Variants in LDHAL6A observed in about 807,000 individuals in gnomAD.
The protein encoded by LDHAL6A is lactate dehydrogenase A like 6A.
LDHAL6A carries 19 observed loss-of-function variants against 28.2 expected under a neutral mutation model. The ratio of observed to expected loss-of-function variants is 0.67; its 90% confidence interval spans 0.47 to 0.99. LDHAL6A has a LOEUF of 0.99. Among genes scored for constraint, LDHAL6A ranks in the 50% least tolerant of loss-of-function variants. The probability of loss-of-function intolerance (pLI) is 0.00; values close to 1 mark genes in which losing one functional copy is unlikely to be tolerated. For synonymous variants in LDHAL6A, 144 were observed against 134.4 expected (o/e 1.07, Z -0.49); for missense variants, 372 against 398.6 (o/e 0.93, Z 0.57).
intron 6 of LDHAL6A, 94 bp from the exon 7 acceptor site, chr11:18,478,612 A>T (rs1196483003): frequency 4.7e-5 from 47 of 996,890 alleles, no homozygotes; most frequent in Middle Eastern, 4.4e-4. Context: ...AGTTCGTACT[A>T]TACCAATCTG....
intron 4 of LDHAL6A, among the ~76,000 whole-genome samples, chr11:18,476,112 T>C (rs1050766451): frequency 6.6e-6 from 1 of 152,194 alleles, no homozygotes; most frequent in African/African-American, 2.4e-5. Context: ...ACCTTGGCTA[T>C]GGAAAAAGAC....
At chr11:18,463,113 T>C (rs1388074929) in intron 1 of LDHAL6A, among the ~76,000 whole-genome samples, 2 of 152,178 alleles carry the variant, frequency 1.3e-5, no homozygotes, top group African/African-American at 4.8e-5. Flanking sequence ...TTTTAATCCA[T>C]TTGCTGTGGT....
At chr11:18,459,141 G>A (rs1848831862) in intron 1 of LDHAL6A, among the ~76,000 whole-genome samples, 2 of 152,216 alleles carry the variant, frequency 1.3e-5, no homozygotes, top group Admixed American at 6.5e-5. Flanking sequence ...TGTCTGTGAG[G>A]GTGTTGCCAA....
At chr11:18,462,568 C>T (rs190424076) in intron 1 of LDHAL6A, among the ~76,000 whole-genome samples, 14,160 of 148,650 alleles carry the variant, frequency 0.095, 726 homozygotes, top group Admixed American at 0.13. Flanking sequence ...ACCTGGGAGG[C>T]GGAGCTTGCA....
intron 3 of LDHAL6A, among the ~76,000 whole-genome samples, chr11:18,470,662 A>G (rs1357352885): frequency 6.6e-6 from 1 of 151,388 alleles, no homozygotes; most frequent in African/African-American, 2.4e-5. Flanking sequence ...TTATAGCAAT[A>G]CTCACATTTA....
chr11:18,467,970 T>TATATATATAC (rs1565071409), intron 3 of LDHAL6A, among the ~76,000 whole-genome samples: 2 of 38,096 alleles, frequency 5.2e-5, no homozygotes, highest in African/African-American at 1.6e-4. Context: ...TATATATACG[T>TATATATATAC]ATATATATAC....
chr11:18,462,273 G>T (rs2133865256), intron 1 of LDHAL6A, among the ~76,000 whole-genome samples: 1 of 152,140 alleles, frequency 6.6e-6, no homozygotes, highest in South Asian at 2.1e-4. Flanking sequence ...GACCGGGGCA[G>T]GTGGATCACT....
In LDHAL6A at chr11:18,463,989, A is replaced by C; in HGVS notation, c.155A>C (p.Asp52Ala). The C allele has an allele frequency of 6.2e-7, 1 of 1,613,794 alleles. No individual in the cohort carries two copies. The highest frequency in any genetic ancestry group is 8.5e-7 in the Non-Finnish European group (1 of 1,179,752). The change falls in exon 2 of 7, where the codon GAT becomes GCT. Residue 52 changes from aspartate to alanine, a missense_variant. Transcript: ENST00000280706. The part of the protein sequence containing the change: ...KGLSDELVLV[D>A]VDEGKLKGET... ...TTGAGTGATGAACTTGTCCTTGTGG[A>C]TGTTGATGAAGGCAAACTGAAGGGT...
intron 1 of LDHAL6A, among the ~76,000 whole-genome samples, chr11:18,460,076 T>C (rs1848859145): frequency 6.6e-6 from 1 of 152,216 alleles, no homozygotes; most frequent in Non-Finnish European, 1.5e-5. Flanking sequence ...GTTGATCAGT[T>C]GTACAGTCTA....
At chr11:18,460,956 G>A (rs1848886271) in intron 1 of LDHAL6A, among the ~76,000 whole-genome samples, 1 of 152,032 alleles carries the variant, frequency 6.6e-6, no homozygotes, top group Non-Finnish European at 1.5e-5. Flanking sequence ...TCCTGCCTCA[G>A]CCTCCCAAGT....
At chr11:18,475,348 A>G in intron 3 of LDHAL6A, 118 bp from the exon 4 acceptor site, 1 of 771,150 alleles carries the variant, frequency 1.3e-6, no homozygotes, top group Non-Finnish European at 2.2e-6. Flanking sequence ...TTGGATAGAG[A>G]ACCATGTTTC....
intron 2 of LDHAL6A, 146 bp downstream of exon 2, chr11:18,464,224 T>A: frequency 1.7e-6 from 1 of 581,828 alleles, no homozygotes. Flanking sequence ...GTGTTCAGAT[T>A]CCTTGGGTTG....
intron 3 of LDHAL6A, among the ~76,000 whole-genome samples, chr11:18,474,288 A>G (rs1047524969): frequency 6.6e-6 from 1 of 151,902 alleles, no homozygotes; most frequent in Non-Finnish European, 1.5e-5. Context: ...CATGTTGACC[A>G]GGCTGGTCTT....
intron 3 of LDHAL6A, among the ~76,000 whole-genome samples, chr11:18,471,676 G>A (rs533474244): frequency 4.0e-5 from 6 of 149,800 alleles, no homozygotes; most frequent in Admixed American, 6.7e-5. Context: ...TGTAATCCCA[G>A]AACTTTGGGA....
intron 3 of LDHAL6A, among the ~76,000 whole-genome samples, chr11:18,473,187 C>T (rs147838305): frequency 2.0e-5 from 3 of 152,214 alleles, no homozygotes; most frequent in African/African-American, 7.2e-5. Context: ...TAATTTATAC[C>T]ATTTTTACCC....
chr11:18,477,464 A>G (rs1849414689), intron 5 of LDHAL6A, among the ~76,000 whole-genome samples, 156 bp from the exon 6 acceptor site: 1 of 150,548 alleles, frequency 6.6e-6, no homozygotes, highest in Admixed American at 6.6e-5. Flanking sequence ...AAAAAAAAAA[A>G]GAAGAAAGAA....
chr11:18,476,478 T>C lies in LDHAL6A; in HGVS notation c.687T>C (p.Asn229=). 1.2e-6 allele frequency: 2 copies of C among 1,613,566 alleles called. No individual in the cohort carries two copies. Among genetic ancestry groups the C allele is most frequent in the Non-Finnish European group, 1.7e-6 (2 of 1,179,858 alleles). The change falls in exon 5 of 7, where the codon AAT becomes AAC. Residue 229 remains asparagine, a synonymous_variant. Transcript: ENST00000280706. ...ATAAAGATCCTGAGCAGTGGGAAAA[T>C]GTCCACAAAAAAGTGATTTCCAGGT... is the stretch of plus-strand genomic sequence containing the variant. ...GTDKDPEQWE[N]VHKKVISSGY...
intron 1 of LDHAL6A, among the ~76,000 whole-genome samples, chr11:18,459,440 C>T (rs1023400211): frequency 6.6e-6 from 1 of 152,166 alleles, no homozygotes; most frequent in African/African-American, 2.4e-5. Context: ...CTGTTGGCTT[C>T]CCTACTTTTG....
intron 2 of LDHAL6A, 67 bp from the exon 3 acceptor site, chr11:18,465,570 C>T (rs964810524): frequency 7.4e-6 from 10 of 1,344,238 alleles, no homozygotes; most frequent in African/African-American, 1.5e-5. Context: ...TTGAAGTGAA[C>T]AGGAAGTATA....
Sources: gnomAD v4.1 joint callset for allele counts (sites outside exome capture counted in the v4.1 genomes callset) on GRCh38, gnomAD v4.1.1 for gene constraint, MANE v1.5 for transcripts, NCBI Gene and HGNC (gene_info 2026-07-23, HGNC 2026-07-21) for gene names.